SYT16: variants seen among roughly 807,000 people sequenced by gnomAD.
SYT16 encodes synaptotagmin 16.
Under a neutral mutation model 61.4 loss-of-function variants are expected in SYT16, and 42 were observed. The ratio of observed to expected loss-of-function variants is 0.68; its 90% CI spans 0.53 to 0.89. The LOEUF (loss-of-function observed/expected upper bound fraction) is 0.89. Among genes scored for constraint, SYT16 ranks in the 40% least tolerant of loss-of-function variants. The probability of loss-of-function intolerance (pLI) is 0.00; values close to 1 mark genes in which losing one functional copy is unlikely to be tolerated. For missense variants in SYT16, 804 were observed against 807.3 expected, an observed-to-expected ratio of 1.00 and a Z score of 0.05; for synonymous variants, 314 against 302.3, an observed-to-expected ratio of 1.04 and a Z score of -0.40.
intron 2 of SYT16, among the ~76,000 whole-genome samples, chr14:61,979,806 C>A (rs1005776011): frequency 5.9e-5 from 9 of 151,998 alleles, no homozygotes; most frequent in African/African-American, 2.2e-4. Flanking sequence ...CACTTGAACC[C>A]GGGAGGGAGA....
intron 7 of SYT16, among the ~76,000 whole-genome samples, chr14:62,099,509 A>G (rs1367944905): frequency 1.3e-5 from 2 of 152,134 alleles, no homozygotes; most frequent in African/African-American, 4.8e-5. Flanking sequence ...GGAACAGCAA[A>G]TGTTTAGAGT....
Position 62,034,731 on chromosome 14 carries a change from G to T in SYT16, c.524-34872G>T, listed in dbSNP as rs575893075. On this transcript the variant is annotated intron_variant, in intron 3 of 7. Coordinates refer to ENST00000683842, the MANE Select transcript of SYT16 (RefSeq NM_001367656.1). Reference sequence around the variant, plus strand: ...TTCCAGGGGTGGGGGAGAATGGGTTGGTGACAGGTAGTAGATATGAGGTTT... The same window carrying T: ...TTCCAGGGGTGGGGGAGAATGGGTTTGTGACAGGTAGTAGATATGAGGTTT... Among the ~76,000 whole-genome samples the T allele has an allele frequency of 1.3e-4, 20 of 152,238 alleles. No homozygotes were observed. The South Asian group carries it at 4.1e-3, about 32-fold the overall frequency.
chr14:62,016,503 C>T (rs1322648195), intron 3 of SYT16, among the ~76,000 whole-genome samples: 2 of 144,614 alleles, frequency 1.4e-5, no homozygotes, highest in African/African-American at 2.6e-5. Flanking sequence ...ACCATCTTGG[C>T]TAACACGGTG....
intron 3 of SYT16, among the ~76,000 whole-genome samples, chr14:62,004,309 C>T (rs1480244655): frequency 6.6e-6 from 1 of 152,094 alleles, no homozygotes; most frequent in Non-Finnish European, 1.5e-5. Context: ...TTTAAACCCT[C>T]AGATCTCATG....
At chr14:61,887,656 G>A (rs1436231963) in intron 1 of SYT16, among the ~76,000 whole-genome samples, 1 of 152,214 alleles carries the variant, frequency 6.6e-6, no homozygotes, top group Non-Finnish European at 1.5e-5. Context: ...ATATTATGGA[G>A]ATGGCTTCTT....
rs147575419 is a variant in SYT16 at position 61,823,827 on chromosome 14, C to T, written c.-325+11017C>T. On this transcript the variant is annotated intron_variant, in intron 1 of 7. Coordinates refer to ENST00000683842, the MANE Select transcript of SYT16 (RefSeq NM_001367656.1). The stretch of plus-strand genomic sequence containing the variant: ...GACTGACTGCTTTATGATACTGTTC[C>T]GTGCGACAATAAGCTGCTGATTGAA... 3.3e-3 allele frequency among the ~76,000 whole-genome samples: 502 copies of T among 152,228 alleles called. 10 individuals are homozygous for T. Among genetic ancestry groups the T allele is most frequent in the Non-Finnish European group, 6.6e-4 (45 of 68,004 alleles).
At chr14:62,082,015 G>C (rs1429459907) in intron 6 of SYT16, among the ~76,000 whole-genome samples, 2 of 152,206 alleles carry the variant, frequency 1.3e-5, no homozygotes, top group Admixed American at 1.3e-4. Flanking sequence ...GCAGTCTAGT[G>C]GTGGCCAAGT....
At chr14:61,872,080 T>C (rs1349799024) in intron 1 of SYT16, among the ~76,000 whole-genome samples, 3 of 152,190 alleles carry the variant, frequency 2.0e-5, no homozygotes, top group African/African-American at 7.2e-5. Context: ...TTATCAATAG[T>C]TTCAATTACA....
intron 1 of SYT16, among the ~76,000 whole-genome samples, chr14:61,861,887 A>C (rs1322662996): frequency 6.6e-6 from 1 of 152,186 alleles, no homozygotes; most frequent in African/African-American, 2.4e-5. Flanking sequence ...ATCATATCCA[A>C]AAAAATACCT....
chr14:61,932,600 C>T (rs1014322497), intron 1 of SYT16, among the ~76,000 whole-genome samples: 4 of 152,234 alleles, frequency 2.6e-5, no homozygotes, highest in East Asian at 1.9e-4. Context: ...CACTTCCTAC[C>T]GGTTCCTTCC....
intron 3 of SYT16, among the ~76,000 whole-genome samples, chr14:62,024,330 TA>T (rs746262573): frequency 2.7e-4 from 41 of 152,092 alleles, no homozygotes; most frequent in Non-Finnish European, 3.4e-4. Context: ...TCTAAGAGTT[TA>T]AAATATTGGC....
At chr14:61,921,024 C>G (rs1160664657) in intron 1 of SYT16, among the ~76,000 whole-genome samples, 1 of 152,138 alleles carries the variant, frequency 6.6e-6, no homozygotes, top group African/African-American at 2.4e-5. Flanking sequence ...TGGAGGAAAC[C>G]CTTCCCTGTG....
intron 1 of SYT16, among the ~76,000 whole-genome samples, chr14:61,947,913 G>T (rs1298223789): frequency 6.6e-6 from 1 of 152,188 alleles, no homozygotes. Flanking sequence ...TACCTGTGGA[G>T]AAAGTTTATT....
chr14:62,091,817 A>C (rs2057084854), intron 7 of SYT16, among the ~76,000 whole-genome samples: 1 of 152,234 alleles, frequency 6.6e-6, no homozygotes, highest in African/African-American at 2.4e-5. Context: ...TGGATATGAC[A>C]ACAAATGCAT....
intron 2 of SYT16, among the ~76,000 whole-genome samples, chr14:61,984,160 A>G (rs1437594170): frequency 4.6e-5 from 7 of 152,142 alleles, no homozygotes; most frequent in Non-Finnish European, 1.0e-4. Context: ...AAATGCCTCC[A>G]CCCCTTCTGC....
chr14:61,826,758 G>T (rs2045783575), intron 1 of SYT16, among the ~76,000 whole-genome samples: 1 of 151,968 alleles, frequency 6.6e-6, no homozygotes, highest in African/African-American at 2.4e-5. Context: ...ACCACTGTCT[G>T]GGTGGCTTAA....
intron 1 of SYT16, among the ~76,000 whole-genome samples, chr14:61,907,518 A>C (rs1417096038): frequency 6.6e-6 from 1 of 152,178 alleles, no homozygotes; most frequent in Non-Finnish European, 1.5e-5. Context: ...TAGACCTTCC[A>C]TTGGCATCAG....
chr14:62,048,128 C>G (rs1171015132), intron 3 of SYT16, among the ~76,000 whole-genome samples: 1 of 152,128 alleles, frequency 6.6e-6, no homozygotes, highest in Admixed American at 6.5e-5. Context: ...GGTTGGTAAG[C>G]TATTAATTAT....
intron 7 of SYT16, among the ~76,000 whole-genome samples, chr14:62,085,651 G>A (rs1020435096): frequency 6.6e-6 from 1 of 152,134 alleles, no homozygotes; most frequent in African/African-American, 2.4e-5. Flanking sequence ...TCTGTGGAAT[G>A]GGGGTATCTT....
Sources: allele counts gnomAD v4.1 joint callset (sites outside exome capture counted in the v4.1 genomes callset), GRCh38; gene constraint gnomAD v4.1.1; transcripts MANE v1.5; gene names NCBI Gene and HGNC (gene_info 2026-07-23, HGNC 2026-07-21).